The following NAALADL2 variants were observed in gnomAD, a reference collection of about 807,000 sequenced individuals.
The protein encoded by NAALADL2 is N-acetylated alpha-linked acidic dipeptidase like 2.
Under a neutral mutation model 87.2 loss-of-function variants are expected in NAALADL2, and 76 were observed. The observed-to-expected ratio is 0.87, with a 90% CI of 0.72 to 1.05. NAALADL2 has a LOEUF of 1.05. Among genes scored for constraint, NAALADL2 ranks in the 50% least tolerant of loss-of-function variants. NAALADL2 has a pLI of 0.00. For synonymous variants in NAALADL2, 354 were observed against 331.0 expected, an observed-to-expected ratio of 1.07 and a Z score of -0.75; for missense variants, 1,089 against 945.8, an observed-to-expected ratio of 1.15 and a Z score of -1.99.
chr3:175,775,657 T>C (rs1005834110), intron 13 of NAALADL2, among the ~76,000 whole-genome samples: 2 of 152,138 alleles, frequency 1.3e-5, no homozygotes, highest in Non-Finnish European at 2.9e-5. Flanking sequence ...CGAAGTCTGT[T>C]CGCCTGAATT....
intron 10 of NAALADL2, among the ~76,000 whole-genome samples, chr3:175,625,545 A>G (rs978299850): frequency 6.6e-6 from 1 of 151,940 alleles, no homozygotes; most frequent in Non-Finnish European, 1.5e-5. Flanking sequence ...GCATGTTGAG[A>G]GTAGATAGAT....
chr3:175,800,678 A>G (rs1576872290), intron 13 of NAALADL2, among the ~76,000 whole-genome samples: 4 of 152,252 alleles, frequency 2.6e-5, no homozygotes, highest in Admixed American at 2.6e-4. Context: ...ACCTTATACC[A>G]ACATTATTGA....
At chr3:174,942,949 T>G (rs1270618731) in intron 1 of NAALADL2, among the ~76,000 whole-genome samples, 1 of 152,226 alleles carries the variant, frequency 6.6e-6, no homozygotes, top group African/African-American at 2.4e-5. Flanking sequence ...TTATTGTGAT[T>G]CTGAGTTTCT....
chr3:175,385,707 G>A (rs560295001), intron 5 of NAALADL2, among the ~76,000 whole-genome samples: 1 of 152,160 alleles, frequency 6.6e-6, no homozygotes, highest in Admixed American at 6.6e-5. Context: ...GTATATGAAT[G>A]TATCAAATTA....
At chr3:175,691,790 C>T (rs1737078820) in intron 11 of NAALADL2, among the ~76,000 whole-genome samples, 1 of 152,050 alleles carries the variant, frequency 6.6e-6, no homozygotes, top group African/African-American at 2.4e-5. Flanking sequence ...ATTTTTATAA[C>T]TTAACCTTTT....
intron 1 of NAALADL2, among the ~76,000 whole-genome samples, chr3:174,872,922 A>G (rs1728019053): frequency 6.6e-6 from 1 of 152,162 alleles, no homozygotes; most frequent in Admixed American, 6.5e-5. Flanking sequence ...TAAAGATGCT[A>G]TTTTGAAAGC....
At chr3:175,090,201 C>A (rs890380509) in intron 1 of NAALADL2, among the ~76,000 whole-genome samples, 1 of 151,698 alleles carries the variant, frequency 6.6e-6, no homozygotes, top group Non-Finnish European at 1.5e-5. Context: ...ATTTACACAC[C>A]CCTGAGAAAA....
At chr3:175,163,194 A>C (rs1013036778) in intron 2 of NAALADL2, among the ~76,000 whole-genome samples, 6 of 152,098 alleles carry the variant, frequency 3.9e-5, no homozygotes, top group Non-Finnish European at 8.8e-5. Context: ...TTATAGCAGA[A>C]TAGGTTTGAA....
chr3:174,946,462 C>T (rs899417706), intron 1 of NAALADL2, among the ~76,000 whole-genome samples: 7 of 152,072 alleles, frequency 4.6e-5, no homozygotes, highest in African/African-American at 1.7e-4. Context: ...TTTAGTTAAA[C>T]AGGGAATATG....
chr3:175,478,532 A>G (rs1261046385), intron 9 of NAALADL2, among the ~76,000 whole-genome samples: 1 of 151,936 alleles, frequency 6.6e-6, no homozygotes, highest in Non-Finnish European at 1.5e-5. Flanking sequence ...TTAAAACTCC[A>G]ATTTTCAGAA....
At chr3:175,700,178 G>C (rs1738790127) in intron 11 of NAALADL2, among the ~76,000 whole-genome samples, 1 of 152,114 alleles carries the variant, frequency 6.6e-6, no homozygotes, top group South Asian at 2.1e-4. Flanking sequence ...TTGTGTTTAT[G>C]CAAACTTATC....
At chr3:175,451,611 A>G (rs1721587432) in intron 6 of NAALADL2, among the ~76,000 whole-genome samples, 1 of 152,186 alleles carries the variant, frequency 6.6e-6, no homozygotes, top group South Asian at 2.1e-4. Context: ...CCATTAATGT[A>G]ATTTAGCGTG....
chr3:175,675,586 AAC>A, intron 11 of NAALADL2: 1 of 152,350 alleles, frequency 6.6e-6, no homozygotes, highest in African/African-American at 2.4e-5. Context: ...AGATGAATAT[AAC>A]CCATTGAGGA....
intron 10 of NAALADL2, among the ~76,000 whole-genome samples, chr3:175,605,639 T>G (rs1234259870): frequency 9.5e-6 from 1 of 104,736 alleles, no homozygotes; most frequent in African/African-American, 3.5e-5. Context: ...GTATATTGCT[T>G]GTTTTTTTTT....
intron 4 of NAALADL2, among the ~76,000 whole-genome samples, chr3:175,283,255 A>C (rs938797493): frequency 6.6e-6 from 1 of 152,138 alleles, no homozygotes; most frequent in African/African-American, 2.4e-5. Flanking sequence ...CCGAGTGACC[A>C]GGTAGGCAGG....
intron 9 of NAALADL2, among the ~76,000 whole-genome samples, chr3:175,475,313 AG>A (rs1368675984): frequency 1.3e-5 from 2 of 152,196 alleles, no homozygotes; most frequent in African/African-American, 4.8e-5. Flanking sequence ...CATGCAAAGT[AG>A]ATTATGAAAT....
At chr3:174,667,545 G>GTTTTT (rs71162402) in intron 2 of NAALADL2, among the ~76,000 whole-genome samples, 1,278 of 123,720 alleles carry the variant, frequency 0.01, 36 homozygotes, top group African/African-American at 0.031. Flanking sequence ...ATGGGAGAGA[G>GTTTTT]TTTTTTTTTT....
chr3:174,448,441 C>T (rs1715223582), intron 1 of NAALADL2, among the ~76,000 whole-genome samples: 1 of 152,144 alleles, frequency 6.6e-6, no homozygotes, highest in South Asian at 2.1e-4. Flanking sequence ...AGGGATTATG[C>T]ACTTTCTTCT....
chr3:175,087,617 C>T (rs979963239), intron 1 of NAALADL2, among the ~76,000 whole-genome samples: 4 of 152,098 alleles, frequency 2.6e-5, no homozygotes, highest in East Asian at 1.9e-4. Flanking sequence ...CTCCCAACCC[C>T]GTGCTCTCTG....
Sources: gnomAD v4.1 joint callset for allele counts (sites outside exome capture counted in the v4.1 genomes callset) on GRCh38, gnomAD v4.1.1 for gene constraint, MANE v1.5 for transcripts, NCBI Gene and HGNC (gene_info 2026-07-23, HGNC 2026-07-21) for gene names.